TRABD2B: variants seen among roughly 807,000 people sequenced by gnomAD.
TRABD2B encodes metalloprotease TIKI2.
In TRABD2B, 14 loss-of-function variants were observed where a neutral mutation model predicts 40.1. The observed-to-expected ratio is 0.35, with a 90% CI of 0.23 to 0.55. TRABD2B has a LOEUF of 0.55. Ranked by LOEUF, TRABD2B falls within the 20% of genes least tolerant of loss-of-function variation. The pLI, the probability that TRABD2B is intolerant of heterozygous loss-of-function variation, is 0.90. For missense variants in TRABD2B, 541 were observed against 648.6 expected (o/e 0.83, Z 1.80); for synonymous variants, 263 against 277.0 (o/e 0.95, Z 0.50).
intron 4 of TRABD2B, among the ~76,000 whole-genome samples, chr1:47,790,787 G>C (rs1230781093): frequency 1.3e-5 from 2 of 152,214 alleles, no homozygotes; most frequent in Non-Finnish European, 2.9e-5. Flanking sequence ...TAATCAGAGA[G>C]CCTGGAATGG....
At chr1:47,990,769 TTTTATATATATATATA>T (rs1293680767) in intron 2 of TRABD2B, among the ~76,000 whole-genome samples, 1,519 of 64,218 alleles carry the variant, frequency 0.024, 259 homozygotes, top group Middle Eastern at 0.035. Context: ...AAAACGTTGG[TTTTATATATATATATA>T]TATATATATA....
chr1:47,984,976 T>C (rs142394184), intron 2 of TRABD2B, among the ~76,000 whole-genome samples: 3 of 152,336 alleles, frequency 2.0e-5, no homozygotes, highest in Middle Eastern at 3.4e-3. Flanking sequence ...TCTTGAAAAG[T>C]TGTATAACGA....
intron 2 of TRABD2B, among the ~76,000 whole-genome samples, chr1:47,985,222 G>C (rs1645903972): frequency 6.6e-6 from 1 of 152,246 alleles, no homozygotes; most frequent in Admixed American, 6.5e-5. Flanking sequence ...CCAATGTCTG[G>C]AAGTTTTCCA....
Position 47,996,979 on chromosome 1 carries a change from G to T in TRABD2B, c.-190C>A. Reference sequence around the variant, plus strand: ...GTTTCTCTGGGGCCGGGCTCCGTCTGTTGGAAGAGGGAGACCCTCTAGGGC... The same window carrying T: ...GTTTCTCTGGGGCCGGGCTCCGTCTTTTGGAAGAGGGAGACCCTCTAGGGC... On this transcript the variant is annotated 5_prime_UTR_variant, in exon 1 of 7. Coordinates refer to ENST00000606738, the MANE Select transcript of TRABD2B (RefSeq NM_001194986.2). This position sits in a 1 kb window ranked among gnomAD's most constrained non-coding sequence, Gnocchi z 4.6. The T allele has an allele frequency of 2.7e-6, 3 of 1,100,442 alleles. No homozygotes were observed. Among genetic ancestry groups the T allele is most frequent in the Non-Finnish European group, 3.3e-6 (3 of 905,362 alleles). The allele number at this position is 1,100,442 out of a possible 1,614,324, so 68.2% of individuals were successfully genotyped here.
intron 2 of TRABD2B, among the ~76,000 whole-genome samples, chr1:47,956,339 G>A (rs1381893081): frequency 6.6e-6 from 1 of 152,204 alleles, no homozygotes; most frequent in Non-Finnish European, 1.5e-5. Flanking sequence ...AAGGTACTGG[G>A]TTCATCTCAC....
intron 6 of TRABD2B, among the ~76,000 whole-genome samples, chr1:47,766,713 G>A (rs1014137915): frequency 1.3e-5 from 2 of 152,188 alleles, no homozygotes; most frequent in Non-Finnish European, 2.9e-5. Context: ...TGGCTGGCGG[G>A]GAGGCTACCT....
At chr1:47,987,894 G>A (rs147457705) in intron 2 of TRABD2B, among the ~76,000 whole-genome samples, 1 of 152,308 alleles carries the variant, frequency 6.6e-6, no homozygotes, top group Non-Finnish European at 1.5e-5. Flanking sequence ...GGTTCTGGAG[G>A]TATATGGTAT....
intron 2 of TRABD2B, among the ~76,000 whole-genome samples, chr1:47,910,450 C>A (rs138600240): frequency 6.6e-6 from 1 of 152,102 alleles, no homozygotes; most frequent in Non-Finnish European, 1.5e-5. Context: ...ATTTGCTGAA[C>A]GGAAACAGTC....
chr1:47,967,196 T>C lies in TRABD2B; in HGVS notation c.666+26838A>G, dbSNP rs1249996220. Among the ~76,000 whole-genome samples, 6 of 152,216 alleles carry C rather than the reference T, an allele frequency of 3.9e-5. No homozygotes were observed. The South Asian group carries it at 1.2e-3, about 32-fold the overall frequency. ...TTCTTCCTACTGAGCTGAAATTGCC[T>C]CCTGGAAGCTTTTATTCACTAAGCA... is the stretch of plus-strand genomic sequence containing the variant. On this transcript the variant is annotated intron_variant, in intron 2 of 6. Coordinates refer to ENST00000606738, the MANE Select transcript of TRABD2B (RefSeq NM_001194986.2).
rs1005924874 is a variant in TRABD2B at position 47,868,753 on chromosome 1, C to A, written c.667-67134G>T. 2.0e-5 allele frequency among the ~76,000 whole-genome samples: 3 copies of A among 152,172 alleles called. No homozygotes were observed. In the East Asian group the frequency reaches 5.8e-4, roughly 29 times the overall value. On this transcript the variant is annotated intron_variant, in intron 2 of 6. Transcript: ENST00000606738. ...TCCCTGGTGCCAAAAAGGTTGGGAA[C>A]CACTGCTCTAAAGCACGGTCCAGAC...
chr1:47,966,720 C>T (rs1645608597), intron 2 of TRABD2B, among the ~76,000 whole-genome samples: 1 of 152,024 alleles, frequency 6.6e-6, no homozygotes, highest in South Asian at 2.1e-4. Flanking sequence ...CCCTGGCCAA[C>T]ATGGTGAAAC....
intron 5 of TRABD2B, among the ~76,000 whole-genome samples, chr1:47,775,989 G>A (rs552943653): frequency 3.3e-5 from 5 of 152,168 alleles, no homozygotes; most frequent in African/African-American, 1.2e-4. Flanking sequence ...AACTCTGGCT[G>A]AGACTTTAGG....
At chr1:47,939,547 C>T (rs1645158225) in intron 2 of TRABD2B, among the ~76,000 whole-genome samples, 1 of 152,140 alleles carries the variant, frequency 6.6e-6, no homozygotes, top group Non-Finnish European at 1.5e-5. Context: ...TCTCAACAGC[C>T]CTATGAGACA....
chr1:47,786,416 G>A (rs982178107), intron 4 of TRABD2B, among the ~76,000 whole-genome samples: 2 of 152,286 alleles, frequency 1.3e-5, no homozygotes, highest in Admixed American at 1.3e-4. Flanking sequence ...CCTCTGTTTC[G>A]GAGGGTGAGG....
In TRABD2B at chr1:47,996,548, A is replaced by C; in HGVS notation, c.102+140T>G. 2.1e-6 allele frequency: 2 copies of C among 974,926 alleles called. No homozygotes were observed. The highest frequency in any genetic ancestry group is 1.3e-6 in the Non-Finnish European group (1 of 770,042). The allele number at this position is 974,926 out of a possible 1,614,324, so 60.4% of individuals were successfully genotyped here. On this transcript the variant is annotated intron_variant, in intron 1 of 6. Transcript: ENST00000606738. The surrounding 1 kb of genome is among the most constrained non-coding windows in gnomAD (Gnocchi z 4.6). ...AGCCGGGACAGGCAGGAGCGAAGGA[A>C]GGGCGCCCGAGGCTGCGCCCGGGGG...
chr1:47,871,646 G>C (rs1225818160), intron 2 of TRABD2B, among the ~76,000 whole-genome samples: 1 of 152,196 alleles, frequency 6.6e-6, no homozygotes, highest in Non-Finnish European at 1.5e-5. Context: ...GTGTTGGAGG[G>C]AGCTAACCCT....
rs144477011 is a variant in TRABD2B at position 47,931,531 on chromosome 1, C to G, written c.666+62503G>C. ...TGGCCCAGGACTCAGTAACACTGGC[C>G]GTTCCCACTTCCTGTCTCCTGGCAT... On this transcript the variant is annotated intron_variant, in intron 2 of 6. Coordinates refer to ENST00000606738, the MANE Select transcript of TRABD2B (RefSeq NM_001194986.2). Among the ~76,000 whole-genome samples, 1,104 of 152,198 alleles carry G rather than the reference C, an allele frequency of 7.3e-3. 21 individuals are homozygous for G. Among genetic ancestry groups the G allele is most frequent in the African/African-American group, 0.026 (1,070 of 41,512 alleles).
At chr1:47,777,521 C>T (rs370072508) in intron 5 of TRABD2B, among the ~76,000 whole-genome samples, 4 of 152,184 alleles carry the variant, frequency 2.6e-5, no homozygotes, top group African/African-American at 9.7e-5. Context: ...CGCTGTGTGT[C>T]CTTCTGCAAG....
At chr1:47,848,020 T>C (rs1645496206) in intron 2 of TRABD2B, among the ~76,000 whole-genome samples, 1 of 152,114 alleles carries the variant, frequency 6.6e-6, no homozygotes, top group Admixed American at 6.5e-5. Flanking sequence ...AAGAGACGTC[T>C]CTCTCCAGGC....
Sources: gnomAD v4.1 joint callset for allele counts (sites outside exome capture counted in the v4.1 genomes callset) on GRCh38, gnomAD v4.1.1 for gene constraint, Gnocchi (gnomAD v3.1) non-coding constraint, MANE v1.5 for transcripts, NCBI Gene and HGNC (gene_info 2026-07-23, HGNC 2026-07-21) for gene names.